NPIPB2: variants seen among roughly 807,000 people sequenced by gnomAD.
NPIPB2 encodes nuclear pore complex-interacting protein family member B2.
A neutral mutation model predicts 30.8 loss-of-function variants in NPIPB2; 27 were observed. That is an observed-to-expected ratio of 0.88 (90% CI 0.65 to 1.21). The LOEUF is 1.21. NPIPB2 is among the 50% of genes most tolerant of loss of function. NPIPB2 has a pLI of 0.00. For synonymous variants in NPIPB2, 147 were observed against 162.0 expected (o/e 0.91, Z 0.70); for missense variants, 440 against 446.2 (o/e 0.99, Z 0.13).
At chr16:11,951,625 T>TACACACACAC (rs1214348316) in intron 1 of NPIPB2, among the ~76,000 whole-genome samples, 2,619 of 95,802 alleles carry the variant, frequency 0.027, 48 homozygotes, top group South Asian at 0.058. Context: ...CACATACACA[T>TACACACACAC]ACACACACAC....
chr16:11,939,011 G>T (rs993617898), intron 1 of NPIPB2, among the ~76,000 whole-genome samples: 1 of 152,054 alleles, frequency 6.6e-6, no homozygotes, highest in African/African-American at 2.4e-5. Flanking sequence ...CTCCCAAAGT[G>T]CTGGGAATAC....
At chr16:11,949,059 G>A (rs894413221) in intron 1 of NPIPB2, among the ~76,000 whole-genome samples, 10 of 151,804 alleles carry the variant, frequency 6.6e-5, no homozygotes, top group African/African-American at 1.9e-4. Flanking sequence ...TGAGATGGGA[G>A]GATTGCTTGA....
At chr16:11,947,040 T>TTATATATA (rs57486204), upstream of NPIPB2, among the ~76,000 whole-genome samples, 23,990 of 139,328 alleles carry the variant, frequency 0.17, 2,455 homozygotes, top group South Asian at 0.32. Context: ...ACTATTTGAA[T>TTATATATA]TATATATATA....
chr16:11,963,048 C>A (rs562756322), intron 1 of NPIPB2, among the ~76,000 whole-genome samples: 143 of 152,022 alleles, frequency 9.4e-4, no homozygotes, highest in African/African-American at 3.3e-3. Context: ...CAGAGGGAGA[C>A]TCCATCTCAA....
intron 4 of NPIPB2, among the ~76,000 whole-genome samples, chr16:11,932,888 G>A (rs905636841): frequency 8.1e-5 from 12 of 148,758 alleles, no homozygotes; most frequent in African/African-American, 3.0e-4. Context: ...AAATTGGGAG[G>A]CAGAGGTTGC....
chr16:11,951,847 G>T (rs1275617519), intron 1 of NPIPB2, among the ~76,000 whole-genome samples: 1 of 150,766 alleles, frequency 6.6e-6, no homozygotes, highest in Non-Finnish European at 1.5e-5. Context: ...CTAACAGGTT[G>T]AAACCCCGTC....
chr16:11,962,629 AC>A (rs757327426), intron 1 of NPIPB2, among the ~76,000 whole-genome samples: 1,499 of 144,468 alleles, frequency 0.01, 71 homozygotes, highest in South Asian at 0.057. Context: ...AAAAAAAAAA[AC>A]CAAAAAAAAA....
intron 1 of NPIPB2, among the ~76,000 whole-genome samples, chr16:11,973,702 A>G (rs1176895201): frequency 6.6e-6 from 1 of 152,002 alleles, no homozygotes; most frequent in Non-Finnish European, 1.5e-5. Context: ...CAAGTTAGCT[A>G]GGAGTTCCTA....
chr16:11,967,281 C>T (rs1263533255), intron 1 of NPIPB2: 2 of 347,248 alleles, frequency 5.8e-6, no homozygotes, highest in South Asian at 9.3e-5. Context: ...GGATTACAGG[C>T]GTGAGCCACA....
chr16:11,959,135 G>C (rs1486472802), intron 1 of NPIPB2, among the ~76,000 whole-genome samples: 2 of 152,174 alleles, frequency 1.3e-5, no homozygotes, highest in African/African-American at 4.8e-5. Context: ...CTTCCTTAGA[G>C]CTGTGAGTGA....
upstream of NPIPB2, among the ~76,000 whole-genome samples, chr16:11,943,255 T>C (rs1466804787): frequency 1.3e-5 from 2 of 150,236 alleles, no homozygotes; most frequent in Non-Finnish European, 3.0e-5. Flanking sequence ...GGAGGCAGAG[T>C]TTGCAGTGAG....
At chr16:11,942,505 C>T (rs926335733), upstream of NPIPB2, among the ~76,000 whole-genome samples, 15 of 151,384 alleles carry the variant, frequency 9.9e-5, 1 homozygote, top group Middle Eastern at 0.01. Context: ...CATCCGAAAC[C>T]GAGTGATGAT....
intron 1 of NPIPB2, among the ~76,000 whole-genome samples, chr16:11,969,381 C>A (rs553783796): frequency 6.6e-6 from 1 of 152,174 alleles, no homozygotes; most frequent in East Asian, 1.9e-4. Context: ...CTCAGCCACC[C>A]GAGTAGCTGG....
chr16:11,971,745 T>A (rs776654366), intron 1 of NPIPB2, among the ~76,000 whole-genome samples: 7 of 152,116 alleles, frequency 4.6e-5, no homozygotes, highest in Non-Finnish European at 8.8e-5. Context: ...TCTGCTCTCC[T>A]CAGCCTCGCA....
At chr16:11,960,617 CA>C (rs1248585509) in intron 1 of NPIPB2, among the ~76,000 whole-genome samples, 1 of 152,076 alleles carries the variant, frequency 6.6e-6, no homozygotes, top group African/African-American at 2.4e-5. Context: ...CTCAGCCTCC[CA>C]AAGTGCTGGG....
At chr16:11,965,597 A>G (rs1596506821) in intron 1 of NPIPB2, 1 of 845,558 alleles carries the variant, frequency 1.2e-6, no homozygotes, top group Non-Finnish European at 1.8e-6. Flanking sequence ...AGTGATTTTA[A>G]TGTTTATGGA....
At chr16:11,958,207 C>G (rs193117213) in intron 1 of NPIPB2, among the ~76,000 whole-genome samples, 205 of 152,158 alleles carry the variant, frequency 1.3e-3, no homozygotes, top group African/African-American at 4.6e-3. Flanking sequence ...GGGCAGATCA[C>G]CTGAGGTCAG....
chr16:11,965,705 A>C (rs574319109), intron 1 of NPIPB2, among the ~76,000 whole-genome samples: 1 of 152,362 alleles, frequency 6.6e-6, no homozygotes, highest in South Asian at 2.1e-4. Flanking sequence ...AGTGATATTT[A>C]GAATTTAAAA....
intron 1 of NPIPB2, among the ~76,000 whole-genome samples, chr16:11,962,197 TAAA>T (rs34733614): frequency 5.2e-5 from 5 of 95,700 alleles, no homozygotes; most frequent in African/African-American, 4.1e-5. Flanking sequence ...CACCCTGTCT[TAAA>T]AAAAAAAAAA....
Sources: gnomAD v4.1 joint callset for allele counts (sites outside exome capture counted in the v4.1 genomes callset) on GRCh38, gnomAD v4.1.1 for gene constraint, MANE v1.5 for transcripts, NCBI Gene and HGNC (gene_info 2026-07-23, HGNC 2026-07-21) for gene names.